L3MBTL4: variants seen among roughly 807,000 people sequenced by gnomAD.
The protein encoded by L3MBTL4 is L3MBTL histone methyl-lysine binding protein 4.
A neutral mutation model predicts 84.5 loss-of-function variants in L3MBTL4; 70 were observed. The observed-to-expected ratio is 0.83, with a 90% CI of 0.68 to 1.01. The LOEUF (loss-of-function observed/expected upper bound fraction) is 1.01, where lower values mean the gene tolerates loss of function less well. Among genes scored for constraint, L3MBTL4 ranks in the 50% least tolerant of loss-of-function variants. The pLI is 0.00. For missense variants in L3MBTL4, 715 were observed against 754.8 expected, an observed-to-expected ratio of 0.95 and a Z score of 0.62; for synonymous variants, 274 against 259.8, an observed-to-expected ratio of 1.05 and a Z score of -0.52.
intron 15 of L3MBTL4, among the ~76,000 whole-genome samples, chr18:6,085,701 G>T (rs2058236339): frequency 6.6e-6 from 1 of 152,170 alleles, no homozygotes; most frequent in Non-Finnish European, 1.5e-5. Flanking sequence ...GTTTCCTGAG[G>T]CCTCTCCAGC....
chr18:6,187,883 A>G (rs1195580771), intron 12 of L3MBTL4, among the ~76,000 whole-genome samples: 2 of 151,318 alleles, frequency 1.3e-5, no homozygotes, highest in African/African-American at 2.4e-5. Context: ...AAAAAAAAAA[A>G]GTGGTGTCTG....
intron 12 of L3MBTL4, among the ~76,000 whole-genome samples, chr18:6,203,397 A>T (rs558230382): frequency 6.6e-6 from 1 of 152,216 alleles, no homozygotes; most frequent in Non-Finnish European, 1.5e-5. Flanking sequence ...CCTGAAGTTT[A>T]TTCCAAAATT....
intron 14 of L3MBTL4, among the ~76,000 whole-genome samples, chr18:6,105,488 C>A (rs985091888): frequency 2.0e-5 from 3 of 151,634 alleles, no homozygotes; most frequent in African/African-American, 7.3e-5. Flanking sequence ...CTGCACCCAG[C>A]CAATATTTTA....
intron 16 of L3MBTL4, among the ~76,000 whole-genome samples, chr18:6,037,403 A>G (rs989296710): frequency 2.6e-5 from 4 of 152,314 alleles, no homozygotes; most frequent in Non-Finnish European, 5.9e-5. Context: ...TTCCAAAACA[A>G]TTGCATCAGA....
At chr18:6,257,641 T>C (rs2048203496) in intron 5 of L3MBTL4, among the ~76,000 whole-genome samples, 1 of 149,618 alleles carries the variant, frequency 6.7e-6, no homozygotes, top group Admixed American at 6.6e-5. Context: ...TTCTTTTTCT[T>C]TTTCTTTTTT....
chr18:6,344,138 A>C (rs1272860967), intron 1 of L3MBTL4, among the ~76,000 whole-genome samples: 1 of 152,148 alleles, frequency 6.6e-6, no homozygotes, highest in African/African-American at 2.4e-5. Flanking sequence ...TCAACTTGAC[A>C]AACCTTTAGC....
chr18:6,029,471 GATT>G, intron 16 of L3MBTL4: 1 of 975,480 alleles, frequency 1.0e-6, no homozygotes, highest in Non-Finnish European at 1.2e-6. Flanking sequence ...ACAGTGGCAG[GATT>G]AAATGTAATA....
chr18:5,987,412 G>A (rs1376441656), intron 16 of L3MBTL4, among the ~76,000 whole-genome samples: 1 of 152,254 alleles, frequency 6.6e-6, no homozygotes, highest in Non-Finnish European at 1.5e-5. Flanking sequence ...AGCAGTGTGG[G>A]AATGTACTCG....
At chr18:6,267,623 G>C (rs542653933) in intron 4 of L3MBTL4, among the ~76,000 whole-genome samples, 25 of 152,316 alleles carry the variant, frequency 1.6e-4, no homozygotes, top group African/African-American at 5.5e-4. Flanking sequence ...TACAACAGCT[G>C]TGTTCTTTAA....
chr18:6,017,975 C>T (rs562062904), intron 16 of L3MBTL4: 15 of 152,332 alleles, frequency 9.8e-5, no homozygotes, highest in African/African-American at 3.6e-4. Context: ...TGTGCACATC[C>T]TATCCCAGCC....
At chr18:6,241,477 A>C in intron 7 of L3MBTL4, 28 bp from the exon 8 acceptor site, 2 of 1,244,384 alleles carry the variant, frequency 1.6e-6, no homozygotes, top group Non-Finnish European at 2.3e-6. Context: ...TACTCAAAAT[A>C]CCCAAAAGAT....
intron 15 of L3MBTL4, 30 bp from the exon 16 acceptor site, chr18:6,080,981 T>C (rs932602384): frequency 5.2e-6 from 8 of 1,526,436 alleles, no homozygotes; most frequent in Non-Finnish European, 7.2e-6. Context: ...AAAATCTAGA[T>C]TCATTATCCT....
At chr18:5,958,944 G>A (rs912061866) in intron 18 of L3MBTL4, among the ~76,000 whole-genome samples, 4 of 152,132 alleles carry the variant, frequency 2.6e-5, no homozygotes, top group African/African-American at 9.7e-5. Context: ...CTTGATCATC[G>A]CTACCTGCAG....
intron 6 of L3MBTL4, 77 bp from the exon 7 acceptor site, chr18:6,243,506 T>G: frequency 7.8e-7 from 1 of 1,281,982 alleles, no homozygotes; most frequent in Non-Finnish European, 1.1e-6. Flanking sequence ...AAAATATTCA[T>G]ATATTTTGTC....
At chr18:5,992,437 A>G (rs2053748734) in intron 16 of L3MBTL4, among the ~76,000 whole-genome samples, 1 of 152,160 alleles carries the variant, frequency 6.6e-6, no homozygotes, top group South Asian at 2.1e-4. Flanking sequence ...CTGGAGAGTG[A>G]GGTGGGTGGA....
chr18:6,011,141 A>G (rs1236673383), intron 16 of L3MBTL4, among the ~76,000 whole-genome samples: 1 of 152,226 alleles, frequency 6.6e-6, no homozygotes, highest in Non-Finnish European at 1.5e-5. Context: ...ATGGTGTCTC[A>G]TCAAGGGACC....
At chr18:5,963,854 T>G (rs944402183) in intron 17 of L3MBTL4, among the ~76,000 whole-genome samples, 1 of 152,138 alleles carries the variant, frequency 6.6e-6, no homozygotes. Context: ...TTTCTTCAAG[T>G]TTGTGGTAAA....
chr18:6,270,990 G>T (rs563199220), intron 4 of L3MBTL4, among the ~76,000 whole-genome samples: 3 of 152,260 alleles, frequency 2.0e-5, no homozygotes, highest in Admixed American at 6.5e-5. Context: ...TGACAGTGTG[G>T]GTGTGACCTA....
chr18:6,241,057 A>G (rs1273414704), intron 8 of L3MBTL4, among the ~76,000 whole-genome samples: 2 of 152,256 alleles, frequency 1.3e-5, no homozygotes, highest in Non-Finnish European at 2.9e-5. Context: ...AGATTAAAGG[A>G]TTAACTCCCT....
Sources: allele counts gnomAD v4.1 joint callset (sites outside exome capture counted in the v4.1 genomes callset), GRCh38; gene constraint gnomAD v4.1.1; transcripts MANE v1.5; gene names NCBI Gene and HGNC (gene_info 2026-07-23, HGNC 2026-07-21).